Variants in RAB3D observed in about 807,000 individuals in gnomAD.
RAB3D encodes the protein RAB3D, member RAS oncogene family, also known as ras-related protein Rab-3D.
In RAB3D, 17 loss-of-function variants were observed where a neutral mutation model predicts 19.3. That is an observed-to-expected ratio of 0.88 (90% CI 0.60 to 1.32). The LOEUF is 1.32. Among genes scored for constraint, RAB3D ranks in the 40% most tolerant of loss-of-function variants. RAB3D has a pLI of 0.00. For missense variants in RAB3D, 223 were observed against 299.1 expected (o/e 0.75, Z 1.88); for synonymous variants, 103 against 119.9 (o/e 0.86, Z 0.92).
At chr19:11,327,605 G>T (rs1183623255) in intron 4 of RAB3D, among the ~76,000 whole-genome samples, 1 of 152,092 alleles carries the variant, frequency 6.6e-6, no homozygotes, top group Non-Finnish European at 1.5e-5. Flanking sequence ...CGCTATTTTG[G>T]CCAGGCTGGT....
At position 11,335,875 on chromosome 19, in the gene RAB3D, A is replaced by ACTCC. The variant is rs377116285; in HGVS notation, c.229-93_229-92insGGAG. On this transcript the variant is annotated intron_variant, in intron 2 of 4. Transcript: ENST00000222120. The stretch of plus-strand genomic sequence containing the variant: ...GGCACTGCCCTGTACTCATAGCCCC[A>ACTCC]GCCTTACGGGGGAGACACAGACTTG... 155 of 1,182,232 alleles carry ACTCC rather than the reference A, an allele frequency of 1.3e-4. No individual in the cohort carries two copies. The East Asian group carries it at 2.7e-3, about 21-fold the overall frequency. The allele number at this position is 1,182,232 out of a possible 1,614,324, so 73.2% of individuals were successfully genotyped here.
chr19:11,328,491 A>G (rs1470468829), intron 4 of RAB3D, among the ~76,000 whole-genome samples: 1 of 151,624 alleles, frequency 6.6e-6, no homozygotes, highest in Non-Finnish European at 1.5e-5. Flanking sequence ...TACTAAAAAT[A>G]CAAAATTTAG....
chr19:11,335,014 C>T (rs1208235843), intron 4 of RAB3D, among the ~76,000 whole-genome samples: 3 of 152,170 alleles, frequency 2.0e-5, no homozygotes, highest in African/African-American at 7.2e-5. Flanking sequence ...GAGACTCCGT[C>T]TCAAAAAAAT....
rs1271193623 is a variant in RAB3D, at chr19:11,324,388, C to G, written c.*1010G>C. The G allele has an allele frequency of 6.6e-6, 1 of 152,206 alleles. No individual in the cohort carries two copies. The highest frequency in any genetic ancestry group is 1.5e-5 in the Non-Finnish European group (1 of 68,066). The allele number at this position is 152,206 out of a possible 1,614,324, so 9.4% of individuals were successfully genotyped here. On this transcript the variant is annotated 3_prime_UTR_variant, in exon 5 of 5. Coordinates refer to ENST00000222120, the MANE Select transcript of RAB3D (RefSeq NM_004283.4). Reference sequence around the variant, plus strand: ...CCCCCCTCAAGTCGGAGCCCAGGTGCTTACATCAGAAAGTCGCCGACAACT... The same window carrying G: ...CCCCCCTCAAGTCGGAGCCCAGGTGGTTACATCAGAAAGTCGCCGACAACT...
chr19:11,335,698 G>C lies in RAB3D; in HGVS notation c.314C>G (p.Ala105Gly). 1 of 1,614,166 alleles carries C rather than the reference G, an allele frequency of 6.2e-7. No individual in the cohort carries two copies. Among genetic ancestry groups the C allele is most frequent in the Non-Finnish European group, 8.5e-7 (1 of 1,180,012 alleles). ...AMGFLLMYDIANQESFAAVQD... is the reference protein window; with the variant it reads ...AMGFLLMYDIGNQESFAAVQD... ...CACAGCGGCAAAGGATTCCTGATTG[G>C]CGATGTCATACATGAGCAGGAAGCC... The change falls in exon 3 of 5, where the codon GCC becomes GGC. Residue 105 changes from alanine (A) to glycine (G), a missense_variant. Physicochemically the swap from Ala to Gly is moderately conservative, Grantham distance 60 (BLOSUM62 0). Transcript: ENST00000222120.
At position 11,325,241 on chromosome 19, in the gene RAB3D, G is replaced by T; in HGVS notation, c.*157C>A. The T allele has an allele frequency of 1.7e-6, 1 of 588,054 alleles. No homozygotes were observed. The highest frequency in any genetic ancestry group is 2.1e-5 in the South Asian group (1 of 47,146). The allele number at this position is 588,054 out of a possible 1,614,324, so 36.4% of individuals were successfully genotyped here. A position where few individuals can be genotyped will look rare whatever the true frequency, so the allele number is the denominator to read the frequency against. On this transcript the variant is annotated 3_prime_UTR_variant, in exon 5 of 5. Coordinates refer to ENST00000222120, the MANE Select transcript of RAB3D (RefSeq NM_004283.4). ...GCTGCCTGAGGAACCTGGCAGCCAC[G>T]GCGACATTGTGAAGGAATGAGCCAT...
At chr19:11,328,688 G>A (rs972910575) in intron 4 of RAB3D, among the ~76,000 whole-genome samples, 41 of 151,900 alleles carry the variant, frequency 2.7e-4, no homozygotes, top group African/African-American at 9.2e-4. Flanking sequence ...GTGGTGGCAT[G>A]CACCCGTAGT....
At position 11,337,446 on chromosome 19, in the gene RAB3D, G is replaced by T. The variant is rs546122937; in HGVS notation, c.-47C>A. 1 of 1,497,362 alleles carries T rather than the reference G, an allele frequency of 6.7e-7. No individual in the cohort carries two copies. The highest frequency in any genetic ancestry group is 1.4e-5 in the African/African-American group (1 of 72,656). 92.8% of individuals were successfully genotyped at this position (1,497,362 alleles called of 1,614,324 possible). A position where few individuals can be genotyped will look rare whatever the true frequency, so the allele number is the denominator to read the frequency against. On this transcript the variant is annotated 5_prime_UTR_variant, in exon 2 of 5. Coordinates refer to ENST00000222120, the MANE Select transcript of RAB3D (RefSeq NM_004283.4). ...CAGGGAGACCTGAAATCCTCAGGGA[G>T]AGGAGACGGGCGTCCTGCAGGGGAA... is the stretch of plus-strand genomic sequence containing the variant.
intron 4 of RAB3D, chr19:11,327,123 C>G (rs1187958094): frequency 1.7e-5 from 6 of 361,980 alleles, no homozygotes. Flanking sequence ...TGTAATTACC[C>G]ATTTATTATC....
At position 11,323,813 on chromosome 19, in the gene RAB3D, G is replaced by C. The variant is rs1486372943; in HGVS notation, c.*1585C>G. 3.3e-5 allele frequency: 5 copies of C among 152,224 alleles called. No homozygotes were observed. The highest frequency in any genetic ancestry group is 7.3e-5 in the Non-Finnish European group (5 of 68,078). The allele number at this position is 152,224 out of a possible 1,614,324, so 9.4% of individuals were successfully genotyped here. A position where few individuals can be genotyped will look rare whatever the true frequency, so the allele number is the denominator to read the frequency against. Reference sequence around the variant, plus strand: ...CCTCTGAAACAGAGTCAGGGACGTGGGAACATAAAACATCCACTTAGCCAT... The same window carrying C: ...CCTCTGAAACAGAGTCAGGGACGTGCGAACATAAAACATCCACTTAGCCAT... On this transcript the variant is annotated 3_prime_UTR_variant, in exon 5 of 5. Coordinates refer to ENST00000222120, the MANE Select transcript of RAB3D (RefSeq NM_004283.4).
Position 11,322,520 on chromosome 19 carries a change from G to A in RAB3D, c.*2878C>T, listed in dbSNP as rs145220050. On this transcript the variant is annotated 3_prime_UTR_variant, in exon 5 of 5. Transcript: ENST00000222120. ...TGGAGCTGGAGAGGGGTTTTCCCAC[G>A]GCCTTTGGTTTAATGTGTCTGTAAA... 8 of 152,212 alleles carry A rather than the reference G, an allele frequency of 5.3e-5. No homozygotes were observed. The highest frequency in any genetic ancestry group is 1.7e-4 in the African/African-American group (7 of 41,534). The allele number at this position is 152,212 out of a possible 1,614,324, so 9.4% of individuals were successfully genotyped here.
chr19:11,338,313 T>C (rs1457458746), intron 1 of RAB3D, among the ~76,000 whole-genome samples: 2 of 152,164 alleles, frequency 1.3e-5, no homozygotes, highest in Admixed American at 1.3e-4. Flanking sequence ...CCTGCAGAAC[T>C]AGATTCTGGA....
Position 11,325,270 on chromosome 19 carries a change from G to T in RAB3D, c.*128C>A. The T allele has an allele frequency of 1.5e-6, 1 of 645,982 alleles. No individual in the cohort carries two copies. Among genetic ancestry groups the T allele is most frequent in the Non-Finnish European group, 2.6e-6 (1 of 378,024 alleles). 40.0% of individuals were successfully genotyped at this position (645,982 alleles called of 1,614,324 possible). Reference sequence around the variant, plus strand: ...ACATTGTGAAGGAATGAGCCATGCAGGAGTCGGGGAGCAGTTGACAGGAGG... The same window carrying T: ...ACATTGTGAAGGAATGAGCCATGCATGAGTCGGGGAGCAGTTGACAGGAGG... On this transcript the variant is annotated 3_prime_UTR_variant, in exon 5 of 5. Coordinates refer to ENST00000222120, the MANE Select transcript of RAB3D (RefSeq NM_004283.4).
Position 11,323,911 on chromosome 19 carries a change from A to C in RAB3D, c.*1487T>G, listed in dbSNP as rs2080795898. On this transcript the variant is annotated 3_prime_UTR_variant, in exon 5 of 5. Coordinates refer to ENST00000222120, the MANE Select transcript of RAB3D (RefSeq NM_004283.4). Reference sequence around the variant, plus strand: ...CAAAGAAAAGGTGCTGCGCCCCTAGAGTTTGGAATCTGATGGGCAGAAAGT... The same window carrying C: ...CAAAGAAAAGGTGCTGCGCCCCTAGCGTTTGGAATCTGATGGGCAGAAAGT... The C allele has an allele frequency of 6.6e-6, 1 of 152,252 alleles. No homozygotes were observed. Among genetic ancestry groups the C allele is most frequent in the Non-Finnish European group, 1.5e-5 (1 of 68,104 alleles). The allele number at this position is 152,252 out of a possible 1,614,324, so 9.4% of individuals were successfully genotyped here. A position where few individuals can be genotyped will look rare whatever the true frequency, so the allele number is the denominator to read the frequency against.
rs2080804988 is a variant in RAB3D at position 11,325,272 on chromosome 19, A to G, written c.*126T>C. 3.1e-6 allele frequency: 2 copies of G among 643,264 alleles called. No homozygotes were observed. Among genetic ancestry groups the G allele is most frequent in the African/African-American group, 1.8e-5 (1 of 54,086 alleles). The allele number at this position is 643,264 out of a possible 1,614,324, so 39.8% of individuals were successfully genotyped here. ...ATTGTGAAGGAATGAGCCATGCAGG[A>G]GTCGGGGAGCAGTTGACAGGAGGGA... On this transcript the variant is annotated 3_prime_UTR_variant, in exon 5 of 5. Coordinates refer to ENST00000222120, the MANE Select transcript of RAB3D (RefSeq NM_004283.4).
Position 11,332,773 on chromosome 19 carries a change from T to C in RAB3D, c.472+2674A>G, listed in dbSNP as rs533279997. Reference sequence around the variant, plus strand: ...TGGGATTACAAGCACATGCCACCATTCCTGGCCAAAGTTATTTTTTTAAAA... The same window carrying C: ...TGGGATTACAAGCACATGCCACCATCCCTGGCCAAAGTTATTTTTTTAAAA... On this transcript the variant is annotated intron_variant, in intron 4 of 4. Coordinates refer to ENST00000222120, the MANE Select transcript of RAB3D (RefSeq NM_004283.4). Among the ~76,000 whole-genome samples, 6 of 152,042 alleles carry C rather than the reference T, an allele frequency of 3.9e-5. No individual in the cohort carries two copies. The East Asian group carries it at 1.2e-3, about 29-fold the overall frequency.
rs77184525 is a variant in RAB3D at position 11,337,663 on chromosome 19, C to G, written c.-61-203G>C. Among the ~76,000 whole-genome samples, 479 of 146,912 alleles carry G rather than the reference C, an allele frequency of 3.3e-3. 1 individual carries two copies. Among genetic ancestry groups the G allele is most frequent in the African/African-American group, 0.011 (460 of 40,880 alleles). On this transcript the variant is annotated intron_variant, in intron 1 of 4. Transcript: ENST00000222120. Reference sequence around the variant, plus strand: ...TTGGTTGTGAGCCTAAAATGAGTTTCTTTCTTTCTTTTTTTTTTTTTTTAG... The same window carrying G: ...TTGGTTGTGAGCCTAAAATGAGTTTGTTTCTTTCTTTTTTTTTTTTTTTAG...
chr19:11,336,706 C>G lies in RAB3D; in HGVS notation c.228+466G>C, dbSNP rs575554651. On this transcript the variant is annotated intron_variant, in intron 2 of 4. Coordinates refer to ENST00000222120, the MANE Select transcript of RAB3D (RefSeq NM_004283.4). ...CGCCAGGCACAGTATTACAGTGGCT[C>G]ATGCCTGTAATCCCAGCGCTTTGGG... Among the ~76,000 whole-genome samples the G allele has an allele frequency of 3.2e-3, 489 of 152,118 alleles. 4 individuals are homozygous for G. Among genetic ancestry groups the G allele is most frequent in the Non-Finnish European group, 5.3e-3 (363 of 67,992 alleles).
intron 4 of RAB3D, among the ~76,000 whole-genome samples, chr19:11,330,958 T>C (rs1314635355): frequency 1.3e-5 from 2 of 150,624 alleles, no homozygotes; most frequent in South Asian, 2.1e-4. Context: ...GGAGGCTGCT[T>C]TGAGTTATGA....
Sources: gnomAD v4.1 joint callset for allele counts (sites outside exome capture counted in the v4.1 genomes callset) on GRCh38, gnomAD v4.1.1 for gene constraint, MANE v1.5 for transcripts, NCBI Gene and HGNC (gene_info 2026-07-23, HGNC 2026-07-21) for gene names.